Variants in MYO9B observed in about 807,000 individuals in gnomAD.
The protein encoded by MYO9B is myosin IXB.
Under a neutral mutation model 229.5 loss-of-function variants are expected in MYO9B, and 71 were observed. That is an observed-to-expected ratio of 0.31 (90% CI 0.26 to 0.38). The LOEUF (loss-of-function observed/expected upper bound fraction) is 0.38, where lower values mean the gene tolerates loss of function less well. Among genes scored for constraint, MYO9B ranks in the 10% least tolerant of loss-of-function variants. The probability of loss-of-function intolerance (pLI) is 1.00; values close to 1 mark genes in which losing one functional copy is unlikely to be tolerated. For missense variants in MYO9B, 2,255 were observed against 2,920.5 expected (o/e 0.77, Z 5.25); for synonymous variants, 1,185 against 1,235.8 (o/e 0.96, Z 0.86).
intron 1 of MYO9B, among the ~76,000 whole-genome samples, chr19:17,093,858 A>AATTTATTTATTTATTTATTT (rs202021707): frequency 1.4e-5 from 2 of 145,566 alleles, no homozygotes; most frequent in Admixed American, 6.9e-5. Flanking sequence ...ATGCCCAGCT[A>AATTTATTTATTTATTTATTT]ATTTATTTAT....
chr19:17,078,486 G>T (rs2057506394), intron 1 of MYO9B, among the ~76,000 whole-genome samples: 1 of 152,128 alleles, frequency 6.6e-6, no homozygotes, highest in African/African-American at 2.4e-5. Flanking sequence ...TTTGCAGCCA[G>T]CCAAGATTGC....
chr19:17,139,334 A>G (rs1256856038), intron 2 of MYO9B, among the ~76,000 whole-genome samples: 1 of 152,176 alleles, frequency 6.6e-6, no homozygotes, highest in Non-Finnish European at 1.5e-5. Context: ...CTGTAATCCT[A>G]GCACTTTGCA....
chr19:17,151,531 G>A (rs1290481585), intron 3 of MYO9B, among the ~76,000 whole-genome samples: 3 of 152,074 alleles, frequency 2.0e-5, no homozygotes, highest in South Asian at 2.1e-4. Flanking sequence ...CACAAAAGAC[G>A]TCAATGTATA....
chr19:17,107,829 T>G (rs781320117), intron 2 of MYO9B, among the ~76,000 whole-genome samples: 1 of 152,118 alleles, frequency 6.6e-6, no homozygotes, highest in Non-Finnish European at 1.5e-5. Flanking sequence ...CCTACCTAAT[T>G]GCATTTGCAA....
intron 3 of MYO9B, among the ~76,000 whole-genome samples, chr19:17,147,826 G>A (rs949334965): frequency 2.0e-5 from 3 of 151,150 alleles, no homozygotes. Flanking sequence ...GGGATTACAG[G>A]CATGCGCCAC....
rs567013962 is a variant in MYO9B at position 17,212,501 on chromosome 19, C to T, written c.*191C>T. On this transcript the variant is annotated 3_prime_UTR_variant, in exon 40 of 40. Coordinates refer to ENST00000682292, the MANE Select transcript of MYO9B (RefSeq NM_004145.4). The surrounding 1 kb of genome is among the most constrained non-coding windows in gnomAD (Gnocchi z 5.4). ...GAGGCCGGCTGGAGCCAGGCCCCCT[C>T]GCACGCAGCCCCCAAATCATGGACG... is the stretch of plus-strand genomic sequence containing the variant. 53 of 593,416 alleles carry T rather than the reference C, an allele frequency of 8.9e-5. No homozygotes were observed. The highest frequency in any genetic ancestry group is 6.8e-4 in the African/African-American group (35 of 51,836). 36.8% of individuals were successfully genotyped at this position (593,416 alleles called of 1,614,324 possible).
chr19:17,091,407 A>T (rs112578790), intron 1 of MYO9B, among the ~76,000 whole-genome samples: 3,570 of 152,224 alleles, frequency 0.023, 153 homozygotes, highest in African/African-American at 0.082. Context: ...TTAATTTTTT[A>T]TAGAGATGGC....
intron 15 of MYO9B, among the ~76,000 whole-genome samples, chr19:17,182,268 A>C (rs2072870168): frequency 6.6e-6 from 1 of 151,838 alleles, no homozygotes; most frequent in Non-Finnish European, 1.5e-5. Flanking sequence ...GTAGAGGTGG[A>C]ATCTTGCTAT....
In MYO9B at chr19:17,197,882, C is replaced by T. The variant is rs778757908; in HGVS notation, c.4113+24C>T. ...AGGTAACAACAACACGGCAAAACCC[C>T]GTCTCCACTAAAAATACAAAAATCA... On this transcript the variant is annotated intron_variant, in intron 23 of 39. Transcript: ENST00000682292. 11 of 1,611,182 alleles carry T rather than the reference C, an allele frequency of 6.8e-6. No individual in the cohort carries two copies. The Admixed American group carries it at 8.3e-5, about 12-fold the overall frequency.
intron 2 of MYO9B, among the ~76,000 whole-genome samples, chr19:17,125,309 C>CTA (rs879861138): frequency 8.3e-6 from 1 of 120,860 alleles, no homozygotes; most frequent in African/African-American, 3.4e-5. Flanking sequence ...CCCCCCCCCC[C>CTA]AAAAAAAGGG....
intron 2 of MYO9B, among the ~76,000 whole-genome samples, chr19:17,108,789 T>G (rs1271161543): frequency 6.6e-6 from 1 of 152,140 alleles, no homozygotes; most frequent in Non-Finnish European, 1.5e-5. Context: ...CGATCTCGGC[T>G]CACTGGAACC....
chr19:17,187,679 T>C (rs1382244733), intron 18 of MYO9B, among the ~76,000 whole-genome samples: 1 of 152,110 alleles, frequency 6.6e-6, no homozygotes, highest in Non-Finnish European at 1.5e-5. Flanking sequence ...CTTGGCCTCA[T>C]TCCAGAAAGA....
Position 17,206,166 on chromosome 19 carries a change from G to A in MYO9B, c.5257+14G>A. On this transcript the variant is annotated intron_variant, in intron 32 of 39. Transcript: ENST00000682292. Reference sequence around the variant, plus strand: ...CGCTGCAGACAGGTGGGCGCTGTGGGCAGGTGGGTGCAGTGCCAGGCCCCA... The same window carrying A: ...CGCTGCAGACAGGTGGGCGCTGTGGACAGGTGGGTGCAGTGCCAGGCCCCA... The A allele has an allele frequency of 6.2e-7, 1 of 1,609,020 alleles. No homozygotes were observed. Among genetic ancestry groups the A allele is most frequent in the Non-Finnish European group, 8.5e-7 (1 of 1,178,712 alleles).
In MYO9B at chr19:17,212,580, C is replaced by T. The variant is rs1157731926; in HGVS notation, c.*270C>T. The T allele has an allele frequency of 2.1e-5, 9 of 436,920 alleles. No individual in the cohort carries two copies. The East Asian group carries it at 3.2e-4, about 16-fold the overall frequency. 27.1% of individuals were successfully genotyped at this position (436,920 alleles called of 1,614,324 possible). A position where few individuals can be genotyped will look rare whatever the true frequency, so the allele number is the denominator to read the frequency against. ...TGCGGCCTCACATCTCCCCACTCCC[C>T]TTTTTGTACGTTTAACTGTTTCTTT... is the stretch of plus-strand genomic sequence containing the variant. On this transcript the variant is annotated 3_prime_UTR_variant, in exon 40 of 40. Coordinates refer to ENST00000682292, the MANE Select transcript of MYO9B (RefSeq NM_004145.4). The surrounding 1 kb of genome is among the most constrained non-coding windows in gnomAD (Gnocchi z 5.4).
At chr19:17,119,066 G>A (rs1375708244) in intron 2 of MYO9B, among the ~76,000 whole-genome samples, 1 of 152,206 alleles carries the variant, frequency 6.6e-6, no homozygotes, top group Admixed American at 6.5e-5. Context: ...GAAGCAAGAT[G>A]TGGGGGTTTG....
intron 2 of MYO9B, among the ~76,000 whole-genome samples, chr19:17,110,429 G>C (rs923997453): frequency 1.3e-5 from 2 of 152,092 alleles, no homozygotes; most frequent in South Asian, 4.1e-4. Flanking sequence ...TTACAGCATC[G>C]GCCATGGGGT....
At chr19:17,168,139 C>G (rs903825871) in intron 11 of MYO9B, 75 bp downstream of exon 11, 2 of 1,557,414 alleles carry the variant, frequency 1.3e-6, no homozygotes, top group African/African-American at 1.4e-5. Flanking sequence ...CCCCCAGAGC[C>G]TTACCCCAAA....
rs1334093423 is a variant in MYO9B, at chr19:17,194,701, G to A, written c.3274G>A (p.Glu1092Lys). The A allele has an allele frequency of 6.2e-7, 1 of 1,612,912 alleles. No homozygotes were observed. The highest frequency in any genetic ancestry group is 8.5e-7 in the Non-Finnish European group (1 of 1,179,868). ...AGCTGAGCAGGGGCCGGAGCCAGCG[G>A]AGGATGGCGGGCACCTGGCATCGGA... ...QVAEQGPEPA[E>K]DGGHLASEPE... Residue 1092 changes from glutamate (E) to lysine (K), a missense_variant, in exon 22 of 40, where the codon GAG (glutamate) becomes AAG (lysine). By Grantham distance (56) the Glu-to-Lys change is moderately conservative. Transcript: ENST00000682292.
rs377594192 is a variant in MYO9B, at chr19:17,203,851, C to T, written c.4990+593C>T. ...CACGCTGCTCCACCGCCTGAACCAT[C>T]GGCCCCTCCTTCCCCAGGCTCCTCA... On this transcript the variant is annotated intron_variant, in intron 30 of 39. Transcript: ENST00000682292. Among the ~76,000 whole-genome samples, 46 of 152,200 alleles carry T rather than the reference C, an allele frequency of 3.0e-4. No homozygotes were observed. The Middle Eastern group carries it at 0.014, about 45-fold the overall frequency.
Sources: allele counts gnomAD v4.1 joint callset (sites outside exome capture counted in the v4.1 genomes callset), GRCh38; gene constraint gnomAD v4.1.1; non-coding constraint Gnocchi (gnomAD v3.1); transcripts MANE v1.5; gene names NCBI Gene and HGNC (gene_info 2026-07-23, HGNC 2026-07-21).